Variants in RAD51B observed in about 807,000 individuals in gnomAD.
RAD51B encodes RAD51 paralog B, also known as DNA repair protein RAD51 homolog 2.
A neutral mutation model predicts 42.2 loss-of-function variants in RAD51B; 38 were observed. The observed-to-expected ratio is 0.90, with a 90% CI of 0.70 to 1.18. RAD51B has a LOEUF of 1.18. Ranked by LOEUF, RAD51B falls within the 50% of genes most tolerant of loss-of-function variation. The pLI is 0.00. For missense variants in RAD51B, 373 were observed against 400.7 expected (o/e 0.93, Z 0.59); for synonymous variants, 154 against 145.2 (o/e 1.06, Z -0.43).
At chr14:68,562,432 C>A in intron 10 of RAD51B, 1 of 982,394 alleles carries the variant, frequency 1.0e-6, no homozygotes, top group Non-Finnish European at 1.2e-6. Flanking sequence ...CCCAGTCAAC[C>A]CTGCCTTTGC....
chr14:68,411,570 A>G (rs2084422584), intron 9 of RAD51B, 43 bp downstream of exon 9: 1 of 1,564,064 alleles, frequency 6.4e-7, no homozygotes, highest in Non-Finnish European at 8.8e-7. Flanking sequence ...AGGTCGGGGA[A>G]TGAGATATAC....
At chr14:67,931,407 T>C (rs2044728374) in intron 7 of RAD51B, among the ~76,000 whole-genome samples, 1 of 152,096 alleles carries the variant, frequency 6.6e-6, no homozygotes, top group Non-Finnish European at 1.5e-5. Flanking sequence ...TCCTGAATTG[T>C]TTTTCTGATT....
intron 10 of RAD51B, among the ~76,000 whole-genome samples, chr14:68,535,905 T>G (rs1381293084): frequency 6.6e-6 from 1 of 152,154 alleles, no homozygotes; most frequent in African/African-American, 2.4e-5. Context: ...CTGGTATTGT[T>G]GTGTGTGCTG....
At chr14:68,083,759 T>C (rs752827995) in intron 7 of RAD51B, among the ~76,000 whole-genome samples, 22 of 152,226 alleles carry the variant, frequency 1.4e-4, no homozygotes, top group Non-Finnish European at 1.5e-5. Context: ...GGCATTTTTT[T>C]TGTTTTCTGA....
intron 9 of RAD51B, among the ~76,000 whole-genome samples, chr14:68,455,790 G>T (rs1189709744): frequency 6.6e-6 from 1 of 151,640 alleles, no homozygotes; most frequent in African/African-American, 2.4e-5. Context: ...AAATGCAAAA[G>T]ACAATAGAAT....
intron 7 of RAD51B, among the ~76,000 whole-genome samples, chr14:68,266,647 C>G (rs769376725): frequency 3.9e-5 from 6 of 152,160 alleles, no homozygotes; most frequent in Non-Finnish European, 8.8e-5. Flanking sequence ...AGGGCGATGG[C>G]TTTTTGATCT....
intron 7 of RAD51B, among the ~76,000 whole-genome samples, chr14:67,947,052 G>T (rs7151917): frequency 0.18 from 27,031 of 152,080 alleles, 2,611 homozygotes; most frequent in Middle Eastern, 0.36. Flanking sequence ...ATCAGATAGG[G>T]TTGTGGTGAG....
chr14:68,031,893 A>G (rs1488075119), intron 7 of RAD51B, among the ~76,000 whole-genome samples: 1 of 152,210 alleles, frequency 6.6e-6, no homozygotes, highest in Non-Finnish European at 1.5e-5. Context: ...GCTCTGAATG[A>G]TATGACTTTT....
At chr14:67,921,187 A>G (rs1301054325) in intron 7 of RAD51B, among the ~76,000 whole-genome samples, 1 of 152,194 alleles carries the variant, frequency 6.6e-6, no homozygotes, top group Non-Finnish European at 1.5e-5. Context: ...GAGTCCTTAG[A>G]GGAGGGCTAG....
intron 7 of RAD51B, among the ~76,000 whole-genome samples, chr14:68,279,757 C>G (rs1335137034): frequency 6.6e-6 from 1 of 152,096 alleles, no homozygotes; most frequent in African/African-American, 2.4e-5. Flanking sequence ...ATAGGAAAAA[C>G]AAGAAAATAT....
intron 7 of RAD51B, among the ~76,000 whole-genome samples, chr14:68,029,027 A>G (rs1172106442): frequency 6.6e-6 from 1 of 152,224 alleles, no homozygotes; most frequent in Non-Finnish European, 1.5e-5. Flanking sequence ...CCAGAGGTCC[A>G]CAGTGATAGT....
At chr14:67,859,482 T>A (rs1248229800) in intron 4 of RAD51B, among the ~76,000 whole-genome samples, 1 of 152,238 alleles carries the variant, frequency 6.6e-6, no homozygotes, top group African/African-American at 2.4e-5. Context: ...GACAATTTGA[T>A]AGATGGAATT....
At chr14:68,297,498 A>G (rs2081637543) in intron 8 of RAD51B, among the ~76,000 whole-genome samples, 1 of 152,194 alleles carries the variant, frequency 6.6e-6, no homozygotes, top group Non-Finnish European at 1.5e-5. Context: ...GTTAGCAGAA[A>G]TCTCTACATG....
chr14:68,470,283 C>T (rs932606763), intron 10 of RAD51B, among the ~76,000 whole-genome samples: 1 of 152,226 alleles, frequency 6.6e-6, no homozygotes, highest in East Asian at 1.9e-4. Context: ...CCAAGCTACA[C>T]ATCCCTCTCT....
chr14:68,480,876 CG>C (rs1883125092), downstream of RAD51B, among the ~76,000 whole-genome samples: 1 of 152,166 alleles, frequency 6.6e-6, no homozygotes, highest in African/African-American at 2.4e-5. Flanking sequence ...CTCAAGAATA[CG>C]GCTGGACAGA....
intron 7 of RAD51B, among the ~76,000 whole-genome samples, chr14:68,181,367 G>A (rs981118943): frequency 6.6e-6 from 1 of 152,168 alleles, no homozygotes; most frequent in Non-Finnish European, 1.5e-5. Flanking sequence ...TCGAGTCCAG[G>A]GCTCACTAAT....
At chr14:67,948,339 T>A (rs932315266) in intron 7 of RAD51B, among the ~76,000 whole-genome samples, 1 of 152,206 alleles carries the variant, frequency 6.6e-6, no homozygotes, top group Non-Finnish European at 1.5e-5. Flanking sequence ...TTCCTACAAA[T>A]ATACAGTGAA....
intron 7 of RAD51B, among the ~76,000 whole-genome samples, chr14:67,937,678 A>G (rs1006367801): frequency 9.2e-5 from 14 of 152,182 alleles, no homozygotes; most frequent in Non-Finnish European, 1.8e-4. Flanking sequence ...GTTGATGAAC[A>G]TAGAGTAACA....
rs61400231 is a variant in RAD51B, at chr14:68,207,614, T to C, written c.757-84270T>C. ...CATTTTGTGATACATTAAAAAGTTA[T>C]GGTAGGAGAAGGAGATAAATTAAGA... On this transcript the variant is annotated intron_variant, in intron 7 of 10. Coordinates refer to ENST00000471583, the MANE Select transcript of RAD51B (RefSeq NM_133510.4). Among the ~76,000 whole-genome samples, 3 of 152,174 alleles carry C rather than the reference T, an allele frequency of 2.0e-5. No individual in the cohort carries two copies. The East Asian group carries it at 5.8e-4, about 29-fold the overall frequency.
Sources: gnomAD v4.1 joint callset for allele counts (sites outside exome capture counted in the v4.1 genomes callset) on GRCh38, gnomAD v4.1.1 for gene constraint, MANE v1.5 for transcripts, NCBI Gene and HGNC (gene_info 2026-07-23, HGNC 2026-07-21) for gene names.